The following TACC2 variants were observed in gnomAD, a reference collection of about 807,000 sequenced individuals.
TACC2 encodes the protein transforming acidic coiled-coil-containing protein 2.
A neutral mutation model predicts 227.3 loss-of-function variants in TACC2; 137 were observed. The ratio of observed to expected loss-of-function variants is 0.60; its 90% CI spans 0.52 to 0.69. The LOEUF is 0.69. TACC2 is among the 30% of genes least tolerant of loss of function. TACC2 has a pLI of 0.00. For synonymous variants in TACC2, 1,523 were observed against 1,487.5 expected, an observed-to-expected ratio of 1.02 and a Z score of -0.55; for missense variants, 3,470 against 3,694.4, an observed-to-expected ratio of 0.94 and a Z score of 1.57.
chr10:122,231,695 G>A (rs564759990), intron 16 of TACC2, among the ~76,000 whole-genome samples: 1 of 152,190 alleles, frequency 6.6e-6, no homozygotes, highest in East Asian at 1.9e-4. Context: ...GAGGCCCCTC[G>A]CTGGGTGTGG....
chr10:122,076,552 T>C (rs777471783), intron 3 of TACC2, among the ~76,000 whole-genome samples: 28 of 152,220 alleles, frequency 1.8e-4, no homozygotes, highest in Admixed American at 6.5e-5. Context: ...TTTTGAATTA[T>C]AGTAATTTAT....
chr10:122,118,728 T>A (rs2085184266), intron 5 of TACC2, among the ~76,000 whole-genome samples: 1 of 152,158 alleles, frequency 6.6e-6, no homozygotes, highest in African/African-American at 2.4e-5. Context: ...CAACTAAAAT[T>A]TTGCCTCATC....
At chr10:122,248,104 A>G (rs2096168408) in intron 19 of TACC2, 1 of 154,184 alleles carries the variant, frequency 6.5e-6, no homozygotes, top group African/African-American at 2.4e-5. Flanking sequence ...GCTGTATCGA[A>G]GACGCTATCT....
At chr10:122,142,336 G>A (rs545327371) in intron 6 of TACC2, among the ~76,000 whole-genome samples, 13 of 152,350 alleles carry the variant, frequency 8.5e-5, no homozygotes, top group South Asian at 4.1e-4. Context: ...GCGATCCTGC[G>A]GTGGATGTGG....
chr10:122,032,139 CA>C (rs911316939), intron 2 of TACC2, among the ~76,000 whole-genome samples: 3 of 152,330 alleles, frequency 2.0e-5, no homozygotes, highest in African/African-American at 4.8e-5. Flanking sequence ...CCCGCCTCAA[CA>C]GGGCCAAGAT....
At position 122,191,907 on chromosome 10, in the gene TACC2, G is replaced by A. The variant is rs553394682; in HGVS notation, c.5835-3133G>A. Among the ~76,000 whole-genome samples the A allele has an allele frequency of 5.3e-5, 8 of 152,154 alleles. No individual in the cohort carries two copies. The East Asian group carries it at 7.7e-4, about 15-fold the overall frequency. Reference sequence around the variant, plus strand: ...GTAGGAAAAGAAATATCAAACAGCCGGTGGGAATTGTGCTTATACACTGGG... The same window carrying A: ...GTAGGAAAAGAAATATCAAACAGCCAGTGGGAATTGTGCTTATACACTGGG... On this transcript the variant is annotated intron_variant, in intron 7 of 22. Transcript: ENST00000369005.
At chr10:122,037,303 C>T (rs1960723569) in intron 2 of TACC2, among the ~76,000 whole-genome samples, 1 of 152,224 alleles carries the variant, frequency 6.6e-6, no homozygotes, top group Non-Finnish European at 1.5e-5. Flanking sequence ...CCAACCAGCC[C>T]TGGTAAGAAG....
chr10:122,090,974 A>C lies in TACC2; in HGVS notation c.5573+2383A>C, dbSNP rs1018362981. On this transcript the variant is annotated intron_variant, in intron 5 of 22. Transcript: ENST00000369005. ...CAGCCTAGTCTTGAACTCTGGGCTC[A>C]AGCAATCTTCCTGCTTCTGCCTCCC... Among the ~76,000 whole-genome samples the C allele has an allele frequency of 1.4e-4, 21 of 152,154 alleles. 1 individual carries two copies. The highest frequency in any genetic ancestry group is 2.9e-5 in the Non-Finnish European group (2 of 68,026).
intron 7 of TACC2, among the ~76,000 whole-genome samples, chr10:122,184,146 C>A (rs1319543168): frequency 6.6e-6 from 1 of 152,160 alleles, no homozygotes; most frequent in African/African-American, 2.4e-5. Flanking sequence ...CTGAGGCACC[C>A]CCATCCTGGT....
At chr10:122,070,124 C>T (rs970968336) in intron 3 of TACC2, among the ~76,000 whole-genome samples, 7 of 152,282 alleles carry the variant, frequency 4.6e-5, no homozygotes, top group Non-Finnish European at 1.0e-4. Flanking sequence ...CCCTTCATCA[C>T]ATTTTTGAGC....
At chr10:122,238,391 T>C (rs1394814093) in intron 18 of TACC2, among the ~76,000 whole-genome samples, 1 of 152,200 alleles carries the variant, frequency 6.6e-6, no homozygotes, top group Non-Finnish European at 1.5e-5. Context: ...ACAGCCTCTT[T>C]TTTCTCCAAA....
chr10:122,002,742 C>T (rs867786866), intron 1 of TACC2, among the ~76,000 whole-genome samples: 5 of 152,138 alleles, frequency 3.3e-5, no homozygotes, highest in Non-Finnish European at 7.4e-5. Flanking sequence ...CTATCCATTT[C>T]ATTTTTTTAT....
intron 6 of TACC2, among the ~76,000 whole-genome samples, chr10:122,137,598 G>C (rs2089908660): frequency 6.6e-6 from 1 of 152,170 alleles, no homozygotes; most frequent in Non-Finnish European, 1.5e-5. Flanking sequence ...AATCCATGCA[G>C]AGAGGTCCCC....
Position 122,211,312 on chromosome 10 carries a change from A to G in TACC2, c.6887A>G (p.Lys2296Arg), listed in dbSNP as rs777183522. 110 of 1,614,146 alleles carry G rather than the reference A, an allele frequency of 6.8e-5. No individual in the cohort carries two copies. The Middle Eastern group carries it at 8.2e-4, about 12-fold the overall frequency. The change falls in exon 9 of 23, where the codon AAA becomes AGA. Residue 2296 changes from lysine to arginine, a missense_variant. Physicochemically the swap from Lys to Arg is conservative, Grantham distance 26. Transcript: ENST00000369005. ...TKKIGKKPVA[K>R]MPLRRPKMKK... is the part of the protein sequence containing the mutation. The stretch of plus-strand genomic sequence containing the variant: ...AAGATAGGCAAAAAGCCAGTTGCCA[A>G]AATGCCCCTGAGGAGGCCAAAGATG...
intron 1 of TACC2, among the ~76,000 whole-genome samples, chr10:122,020,196 T>C (rs1957163993): frequency 6.6e-6 from 1 of 152,214 alleles, no homozygotes; most frequent in Admixed American, 6.5e-5. Flanking sequence ...AAGGCAGTGA[T>C]TCTTCTAACA....
intron 7 of TACC2, among the ~76,000 whole-genome samples, chr10:122,147,279 G>C (rs1485974297): frequency 6.6e-6 from 1 of 152,012 alleles, no homozygotes; most frequent in Non-Finnish European, 1.5e-5. Flanking sequence ...TGAGTAGCTG[G>C]GATTACAGGC....
intron 12 of TACC2, among the ~76,000 whole-genome samples, chr10:122,225,311 G>T (rs1712789579): frequency 6.6e-6 from 1 of 152,204 alleles, no homozygotes; most frequent in South Asian, 2.1e-4. Context: ...CACACAGGAG[G>T]GCTTGCTTGC....
At chr10:122,024,369 A>G (rs1957731669) in intron 2 of TACC2, among the ~76,000 whole-genome samples, 2 of 152,174 alleles carry the variant, frequency 1.3e-5, no homozygotes, top group Non-Finnish European at 1.5e-5. Context: ...CTGTCTCATA[A>G]AGAAAGAAAG....
At chr10:122,024,483 C>G (rs1248838697) in intron 2 of TACC2, among the ~76,000 whole-genome samples, 1 of 152,180 alleles carries the variant, frequency 6.6e-6, no homozygotes, top group Non-Finnish European at 1.5e-5. Flanking sequence ...CGGATACAGT[C>G]AAGATAACAG....
Sources: allele counts gnomAD v4.1 joint callset (sites outside exome capture counted in the v4.1 genomes callset), GRCh38; gene constraint gnomAD v4.1.1; transcripts MANE v1.5; gene names NCBI Gene and HGNC (gene_info 2026-07-23, HGNC 2026-07-21).